SLC5A4: variants seen among roughly 807,000 people sequenced by gnomAD.
SLC5A4 encodes probable glucose sensor protein SLC5A4.
SLC5A4 carries 55 observed loss-of-function variants against 70.3 expected under a neutral mutation model. The observed-to-expected ratio is 0.78, with a 90% CI of 0.63 to 0.98. The LOEUF (loss-of-function observed/expected upper bound fraction) is 0.98. SLC5A4 is among the 50% of genes least tolerant of loss of function. The pLI is 0.00. For synonymous variants in SLC5A4, 268 were observed against 305.7 expected, an observed-to-expected ratio of 0.88 and a Z score of 1.29; for missense variants, 735 against 839.2, an observed-to-expected ratio of 0.88 and a Z score of 1.53.
Position 32,251,851 on chromosome 22 carries a change from A to G in SLC5A4, c.231T>C (p.Ser77=), listed in dbSNP as rs764038500. ...CCACATAGTGGTTGCTGCCGATGTTACTGGCAAAGAGAGAGGCGCCCATCT... is the reference window on the plus strand; with the variant it reads ...CCACATAGTGGTTGCTGCCGATGTTGCTGGCAAAGAGAGAGGCGCCCATCT... ...WWPMGASLFA[S]NIGSNHYVGL... is the part of the protein sequence containing the mutation. Residue 77 remains serine (S), a synonymous_variant, in exon 3 of 15, where the codon AGT becomes AGC. Transcript: ENST00000266086. The G allele has an allele frequency of 6.2e-7, 1 of 1,613,922 alleles. No individual in the cohort carries two copies. Among genetic ancestry groups the G allele is most frequent in the Non-Finnish European group, 8.5e-7 (1 of 1,179,786 alleles).
intron 5 of SLC5A4, among the ~76,000 whole-genome samples, chr22:32,242,848 G>A (rs1313242696): frequency 3.3e-5 from 5 of 152,190 alleles, no homozygotes; most frequent in Admixed American, 3.3e-4. Flanking sequence ...ATGCTGTCTG[G>A]GAACTGTGGA....
At chr22:32,338,338 T>A in the SLC5A4 span, among the ~76,000 whole-genome samples, 6 of 152,144 alleles carry the variant, frequency 3.9e-5, no homozygotes, top group African/African-American at 1.4e-4. Flanking sequence ...AAGTGGTTTA[T>A]CTCAAAAACC....
At chr22:32,314,735 C>T in the SLC5A4 span, among the ~76,000 whole-genome samples, 2 of 152,130 alleles carry the variant, frequency 1.3e-5, no homozygotes, top group African/African-American at 2.4e-5. Flanking sequence ...ACTTACAGTT[C>T]CACATGGCTG....
chr22:32,305,360 A>C, the SLC5A4 span, among the ~76,000 whole-genome samples: 2 of 150,034 alleles, frequency 1.3e-5, no homozygotes, highest in Non-Finnish European at 2.9e-5. Flanking sequence ...GCTTCTTCAC[A>C]TTGCTGCCTT....
At chr22:32,341,197 T>C in the SLC5A4 span, among the ~76,000 whole-genome samples, 1 of 151,240 alleles carries the variant, frequency 6.6e-6, no homozygotes, top group Admixed American at 6.6e-5. Flanking sequence ...GGAGAAAGAC[T>C]GGGAGGTGGA....
At chr22:32,333,265 TCTGA>T in the SLC5A4 span, among the ~76,000 whole-genome samples, 14,044 of 149,648 alleles carry the variant, frequency 0.094, 1,214 homozygotes, top group African/African-American at 0.23. Context: ...CACGGGGCTC[TCTGA>T]CTGTGCTGGA....
chr22:32,278,844 AAAC>A, the SLC5A4 span, among the ~76,000 whole-genome samples: 2 of 152,234 alleles, frequency 1.3e-5, no homozygotes, highest in Non-Finnish European at 2.9e-5. Context: ...AAAAAGAAGA[AAAC>A]AAGATTACAG....
the SLC5A4 span, among the ~76,000 whole-genome samples, chr22:32,304,548 G>A: frequency 3.3e-5 from 5 of 152,186 alleles, no homozygotes; most frequent in Non-Finnish European, 5.9e-5. Flanking sequence ...CAAATAGCTG[G>A]AATGACAGGT....
At chr22:32,248,990 C>T (rs533503629) in intron 3 of SLC5A4, among the ~76,000 whole-genome samples, 188 bp from the exon 4 acceptor site, 7 of 152,214 alleles carry the variant, frequency 4.6e-5, no homozygotes, top group African/African-American at 1.4e-4. Context: ...CAGGGGCCAC[C>T]ATTTTCTGAG....
the SLC5A4 span, among the ~76,000 whole-genome samples, chr22:32,304,525 C>T: frequency 5.3e-5 from 8 of 151,928 alleles, no homozygotes; most frequent in Admixed American, 6.6e-5. Context: ...GTGACCTTCC[C>T]GCCTCAGCCT....
the SLC5A4 span, among the ~76,000 whole-genome samples, chr22:32,302,776 ACT>A: frequency 2.6e-5 from 4 of 152,042 alleles, no homozygotes; most frequent in South Asian, 8.3e-4. Flanking sequence ...CTCCCACTTT[ACT>A]CTGTTTCAAA....
intron 5 of SLC5A4, among the ~76,000 whole-genome samples, chr22:32,239,319 T>C (rs1011455487): frequency 1.3e-5 from 2 of 150,912 alleles, no homozygotes; most frequent in African/African-American, 4.9e-5. Context: ...CATTGCTCAG[T>C]TGAGGTGCTT....
At chr22:32,337,045 G>C in the SLC5A4 span, among the ~76,000 whole-genome samples, 9,078 of 152,270 alleles carry the variant, frequency 0.06, 312 homozygotes, top group African/African-American at 0.067. Context: ...CGTTTCCTTG[G>C]GGGGACTAAA....
At chr22:32,330,442 T>C in the SLC5A4 span, among the ~76,000 whole-genome samples, 1 of 88,576 alleles carries the variant, frequency 1.1e-5, no homozygotes, top group Non-Finnish European at 2.6e-5. Flanking sequence ...TTGGGGACTC[T>C]GGAGGCTCTG....
chr22:32,249,785 A>G (rs556982515), intron 3 of SLC5A4, among the ~76,000 whole-genome samples: 2 of 152,268 alleles, frequency 1.3e-5, no homozygotes, highest in Non-Finnish European at 2.9e-5. Flanking sequence ...TGTTGGTGGC[A>G]CATCCATCAC....
the SLC5A4 span, among the ~76,000 whole-genome samples, chr22:32,351,748 CGG>C: frequency 2.5e-4 from 3 of 11,830 alleles, no homozygotes; most frequent in Non-Finnish European, 3.6e-4. Context: ...GGGGGGAGGG[CGG>C]GGGGGGGGTG....
chr22:32,245,582 G>A (rs560773302), intron 5 of SLC5A4, among the ~76,000 whole-genome samples: 18 of 152,224 alleles, frequency 1.2e-4, no homozygotes, highest in East Asian at 3.9e-4. Flanking sequence ...GTGCAGTCGC[G>A]CGATCTCGGT....
chr22:32,229,443 G>C, intron 10 of SLC5A4, 99 bp from the exon 11 acceptor site: 1 of 1,234,254 alleles, frequency 8.1e-7, no homozygotes, highest in Non-Finnish European at 1.1e-6. Context: ...TGGAACATAG[G>C]TTAACTGATG....
chr22:32,270,574 G>A, the SLC5A4 span: 176 of 726,600 alleles, frequency 2.4e-4, no homozygotes, highest in Non-Finnish European at 4.1e-4. Flanking sequence ...GATGGGGCAG[G>A]AGATCATGGA....
Sources: allele counts gnomAD v4.1 joint callset (sites outside exome capture counted in the v4.1 genomes callset), GRCh38; gene constraint gnomAD v4.1.1; transcripts MANE v1.5; gene names NCBI Gene and HGNC (gene_info 2026-07-23, HGNC 2026-07-21).